RBFOX1: variants seen among roughly 807,000 people sequenced by gnomAD.
RBFOX1 encodes the protein RNA binding protein fox-1 homolog 1.
A neutral mutation model predicts 57.7 loss-of-function variants in RBFOX1; 8 were observed. The ratio of observed to expected loss-of-function variants is 0.14; its 90% CI spans 0.08 to 0.25. The LOEUF (loss-of-function observed/expected upper bound fraction) is 0.25. Among genes scored for constraint, RBFOX1 ranks in the 10% least tolerant of loss-of-function variants. The pLI is 1.00. For synonymous variants in RBFOX1, 326 were observed against 222.4 expected (o/e 1.47, Z -4.15); for missense variants, 611 against 548.5 (o/e 1.11, Z -1.14).
chr16:7,373,728 A>T (rs1055704462), intron 4 of RBFOX1, among the ~76,000 whole-genome samples: 1 of 152,204 alleles, frequency 6.6e-6, no homozygotes, highest in Non-Finnish European at 1.5e-5. Context: ...GCAATAGTTG[A>T]TACAGGGGCC....
intron 4 of RBFOX1, among the ~76,000 whole-genome samples, chr16:7,219,077 A>G (rs1186451102): frequency 6.6e-6 from 1 of 152,160 alleles, no homozygotes; most frequent in Non-Finnish European, 1.5e-5. Flanking sequence ...GGAGTTGGCC[A>G]CCAGCAGTCT....
intron 4 of RBFOX1, among the ~76,000 whole-genome samples, chr16:5,923,070 C>G (rs1202405861): frequency 6.6e-6 from 1 of 152,136 alleles, no homozygotes; most frequent in East Asian, 1.9e-4. Flanking sequence ...TTCACATTAA[C>G]CTCTTCCGCT....
rs2059054488 is a variant in RBFOX1 at position 5,931,453 on chromosome 16, A to C, written c.351+64118A>C. ...AAAAGTTTGACAGGAGAGGAAGATC[A>C]GGCAGGTGTTAACAGAGAAGGAGAG... On this transcript the variant is annotated intron_variant, in intron 4 of 19. Coordinates refer to the RBFOX1 transcript ENST00000641259. Among the ~76,000 whole-genome samples the C allele has an allele frequency of 4.6e-5, 7 of 152,298 alleles. No homozygotes were observed. In the South Asian group the frequency reaches 1.5e-3, roughly 32 times the overall value.
intron 4 of RBFOX1, among the ~76,000 whole-genome samples, chr16:7,413,444 C>T (rs2098448952): frequency 6.6e-6 from 1 of 152,044 alleles, no homozygotes; most frequent in Non-Finnish European, 1.5e-5. Context: ...GGGATGGGGC[C>T]CAGAAACTTT....
intron 2 of RBFOX1, among the ~76,000 whole-genome samples, chr16:6,487,154 G>GTGTGTC (rs58702216): frequency 0.17 from 16,114 of 97,088 alleles, 1,590 homozygotes; most frequent in East Asian, 0.45. Flanking sequence ...CTGTGTGTGT[G>GTGTGTC]TGTGTGTGTG....
chr16:5,574,773 C>T (rs1053020554), intron 2 of RBFOX1, among the ~76,000 whole-genome samples: 4 of 152,096 alleles, frequency 2.6e-5, no homozygotes, highest in African/African-American at 9.7e-5. Flanking sequence ...GTCCATTTCT[C>T]GGGAAACCTG....
At chr16:6,910,203 A>C (rs1172665583) in intron 3 of RBFOX1, among the ~76,000 whole-genome samples, 1 of 152,110 alleles carries the variant, frequency 6.6e-6, no homozygotes, top group African/African-American at 2.4e-5. Context: ...ATGGGAAAAG[A>C]GAAATCCTAA....
intron 3 of RBFOX1, among the ~76,000 whole-genome samples, chr16:6,932,973 A>G (rs1290477535): frequency 1.3e-5 from 2 of 152,170 alleles, no homozygotes; most frequent in Non-Finnish European, 2.9e-5. Flanking sequence ...CTAGTATCTC[A>G]TGTAAGTGGA....
At chr16:7,119,745 GGA>G (rs2066697452) in intron 4 of RBFOX1, among the ~76,000 whole-genome samples, 1 of 151,994 alleles carries the variant, frequency 6.6e-6, no homozygotes, top group Non-Finnish European at 1.5e-5. Context: ...AAAGAGAAAT[GGA>G]GAGTCTACAA....
At chr16:5,936,161 T>C (rs2059163995) in intron 4 of RBFOX1, among the ~76,000 whole-genome samples, 1 of 152,254 alleles carries the variant, frequency 6.6e-6, no homozygotes, top group South Asian at 2.1e-4. Flanking sequence ...TTTCACTCTG[T>C]CACCCAGGCT....
At chr16:6,172,344 A>T (rs1359401883) in intron 1 of RBFOX1, among the ~76,000 whole-genome samples, 6 of 152,162 alleles carry the variant, frequency 3.9e-5, no homozygotes, top group African/African-American at 7.2e-5. Flanking sequence ...GGAATGAGTA[A>T]GGGAAACAGA....
chr16:7,311,744 G>T (rs1297275339), intron 4 of RBFOX1, among the ~76,000 whole-genome samples: 1 of 152,118 alleles, frequency 6.6e-6, no homozygotes, highest in Non-Finnish European at 1.5e-5. Flanking sequence ...ACAAAATTCA[G>T]ATGAAAAACC....
At chr16:5,983,460 C>A (rs150580654) in intron 4 of RBFOX1, among the ~76,000 whole-genome samples, 4 of 152,130 alleles carry the variant, frequency 2.6e-5, no homozygotes, top group Non-Finnish European at 4.4e-5. Flanking sequence ...GGGGCCCTGG[C>A]ACTGACTCAT....
intron 4 of RBFOX1, among the ~76,000 whole-genome samples, chr16:7,498,138 G>T (rs549368823): frequency 6.6e-6 from 1 of 152,274 alleles, no homozygotes; most frequent in East Asian, 1.9e-4. Flanking sequence ...GTGCAGAAAG[G>T]TAAAATGAAG....
At chr16:6,005,452 G>T (rs1262174953) in intron 4 of RBFOX1, among the ~76,000 whole-genome samples, 5 of 152,220 alleles carry the variant, frequency 3.3e-5, no homozygotes, top group African/African-American at 9.7e-5. Flanking sequence ...GGAGCTCATG[G>T]TCTAGCTGGG....
chr16:7,042,963 C>T lies in RBFOX1; in HGVS notation c.-15-9094C>T, dbSNP rs193222184. On this transcript the variant is annotated intron_variant, in intron 3 of 15. Transcript: ENST00000550418. ...ATAAATAAAGTGATTAAAACAATTACTTTCCTAGCAGCATAGTTAAAATTG... is the reference window on the plus strand; with the variant it reads ...ATAAATAAAGTGATTAAAACAATTATTTTCCTAGCAGCATAGTTAAAATTG... Among the ~76,000 whole-genome samples, 195 of 152,266 alleles carry T rather than the reference C, an allele frequency of 1.3e-3. 1 individual carries two copies. Among genetic ancestry groups the T allele is most frequent in the Non-Finnish European group, 2.4e-3 (166 of 68,012 alleles).
At chr16:7,500,039 A>T (rs147404795) in intron 4 of RBFOX1, among the ~76,000 whole-genome samples, 2 of 152,278 alleles carry the variant, frequency 1.3e-5, no homozygotes, top group East Asian at 3.9e-4. Flanking sequence ...CAAGTCAGCC[A>T]GGCCCTGCTG....
chr16:6,229,302 C>T (rs928931836), intron 1 of RBFOX1, among the ~76,000 whole-genome samples: 19 of 152,246 alleles, frequency 1.2e-4, no homozygotes, highest in African/African-American at 4.3e-4. Flanking sequence ...ACAGTCTCAT[C>T]GTTCTCCTGT....
chr16:6,479,290 C>T (rs1030608440), intron 2 of RBFOX1, among the ~76,000 whole-genome samples: 12 of 152,138 alleles, frequency 7.9e-5, no homozygotes, highest in Admixed American at 7.2e-4. Context: ...TACATGGCGG[C>T]AGGTGAGAGA....
Sources: allele counts gnomAD v4.1 joint callset (sites outside exome capture counted in the v4.1 genomes callset), GRCh38; gene constraint gnomAD v4.1.1; transcripts MANE v1.5; gene names NCBI Gene and HGNC (gene_info 2026-07-23, HGNC 2026-07-21).